IL1RAPL1: variants seen among roughly 807,000 people sequenced by gnomAD.
The protein encoded by IL1RAPL1 is interleukin 1 receptor accessory protein like 1.
Under a neutral mutation model 48.4 loss-of-function variants are expected in IL1RAPL1, and 3 were observed. The ratio of observed to expected loss-of-function variants is 0.06; its 90% CI spans 0.03 to 0.16. The LOEUF (loss-of-function observed/expected upper bound fraction) is 0.16, where lower values mean the gene tolerates loss of function less well. Ranked by LOEUF, IL1RAPL1 falls within the 10% of genes least tolerant of loss-of-function variation. IL1RAPL1 has a pLI of 1.00. For missense variants in IL1RAPL1, 349 were observed against 530.6 expected (o/e 0.66, Z 3.36); for synonymous variants, 185 against 187.7 (o/e 0.99, Z 0.12).
chrX:29,833,791 A>G (rs1400486509), intron 6 of IL1RAPL1, among the ~76,000 whole-genome samples: 4 of 111,924 alleles, frequency 3.6e-5, no homozygotes, highest in Non-Finnish European at 5.6e-5. Context: ...TCCATTAGTG[A>G]TGCCTGCTAT....
At chrX:29,402,785 A>T (rs865896263) in intron 5 of IL1RAPL1, among the ~76,000 whole-genome samples, 1 of 106,542 alleles carries the variant, frequency 9.4e-6, no homozygotes, top group Admixed American at 1.0e-4. Context: ...ACTGTTTTAC[A>T]TTTTTTTTTA....
intron 5 of IL1RAPL1, among the ~76,000 whole-genome samples, chrX:29,650,023 ATGTAAAATACC>A (rs1925465136): frequency 8.9e-6 from 1 of 112,025 alleles, no homozygotes; most frequent in Non-Finnish European, 1.9e-5. Context: ...AGCTACAAAA[ATGTAAAATACC>A]TATGAATACA....
intron 5 of IL1RAPL1, among the ~76,000 whole-genome samples, chrX:29,536,301 G>A (rs377336173): frequency 3.6e-5 from 4 of 111,866 alleles, no homozygotes; most frequent in Admixed American, 9.5e-5. Flanking sequence ...AATGAGATAT[G>A]TATGGACAAG....
intron 1 of IL1RAPL1, among the ~76,000 whole-genome samples, chrX:28,754,098 A>C (rs891984231): frequency 9.0e-6 from 1 of 111,091 alleles, no homozygotes; most frequent in Admixed American, 9.6e-5. Context: ...TTTCTCACAC[A>C]TTGTAACTTC....
At chrX:29,405,874 T>C (rs896364428) in intron 5 of IL1RAPL1, among the ~76,000 whole-genome samples, 3 of 110,752 alleles carry the variant, frequency 2.7e-5, no homozygotes, top group Non-Finnish European at 5.7e-5. Context: ...CTACTTTTGA[T>C]ATTCCGATTA....
intron 5 of IL1RAPL1, among the ~76,000 whole-genome samples, chrX:29,639,480 A>T (rs1312870950): frequency 9.0e-6 from 1 of 110,607 alleles, no homozygotes; most frequent in Non-Finnish European, 1.9e-5. Context: ...TTCCACACAT[A>T]CATACAAAAG....
chrX:28,736,431 C>CAA (rs34112747), intron 1 of IL1RAPL1, among the ~76,000 whole-genome samples: 217 of 89,594 alleles, frequency 2.4e-3, no homozygotes, highest in African/African-American at 8.6e-3. Flanking sequence ...GAGACTGTCT[C>CAA]AAAAAAAAAA....
chrX:29,406,325 C>G (rs1934068902), intron 5 of IL1RAPL1, among the ~76,000 whole-genome samples: 1 of 109,588 alleles, frequency 9.1e-6, no homozygotes, highest in African/African-American at 3.3e-5. Context: ...GGAGGCAGAG[C>G]TTGTAGTGAG....
intron 2 of IL1RAPL1, among the ~76,000 whole-genome samples, chrX:28,799,093 A>G (rs1936645560): frequency 1.8e-5 from 2 of 111,829 alleles, no homozygotes; most frequent in African/African-American, 6.5e-5. Context: ...GAGCAATTTT[A>G]AAGTTAGACT....
intron 6 of IL1RAPL1, among the ~76,000 whole-genome samples, chrX:29,711,069 TACAC>T (rs745317897): frequency 9.3e-5 from 8 of 86,437 alleles, no homozygotes; most frequent in African/African-American, 2.9e-4. Flanking sequence ...TGTGTGTGTA[TACAC>T]ACACACACAC....
At chrX:29,166,461 G>A (rs1482902985) in intron 2 of IL1RAPL1, among the ~76,000 whole-genome samples, 1 of 111,534 alleles carries the variant, frequency 9.0e-6, no homozygotes, top group Non-Finnish European at 1.9e-5. Context: ...TTGAATCTCT[G>A]CATCTCTCCA....
chrX:29,359,932 C>T (rs963699668), intron 3 of IL1RAPL1, among the ~76,000 whole-genome samples: 3 of 110,895 alleles, frequency 2.7e-5, no homozygotes, highest in Non-Finnish European at 3.8e-5. Context: ...ATTACCATTC[C>T]ATTTCCACAA....
intron 3 of IL1RAPL1, among the ~76,000 whole-genome samples, chrX:29,334,301 A>G (rs1932941482): frequency 1.3e-5 from 1 of 78,228 alleles, no homozygotes; most frequent in African/African-American, 5.3e-5. Context: ...CACCTCCCGG[A>G]CTGGGTGGCT....
chrX:28,747,504 G>A (rs937345421), intron 1 of IL1RAPL1, among the ~76,000 whole-genome samples: 2 of 110,562 alleles, frequency 1.8e-5, no homozygotes, highest in African/African-American at 6.6e-5. Context: ...AGCCGTGGGT[G>A]GTGGCGCACA....
intron 2 of IL1RAPL1, among the ~76,000 whole-genome samples, chrX:29,240,195 C>CACATATATATATATATATATATATAT (rs1555979978): frequency 3.7e-5 from 1 of 27,228 alleles, no homozygotes; most frequent in African/African-American, 2.1e-4. Flanking sequence ...CACACACACA[C>CACATATATATATATATATATATATAT]ATATATATAT....
chrX:28,999,145 A>G (rs1229378547), intron 2 of IL1RAPL1, among the ~76,000 whole-genome samples: 1 of 111,006 alleles, frequency 9.0e-6, no homozygotes, highest in Non-Finnish European at 1.9e-5. Context: ...AAGAAAAGAG[A>G]ATAATCTTCT....
chrX:28,620,328 A>G (rs1326939084), intron 1 of IL1RAPL1, among the ~76,000 whole-genome samples: 2 of 111,950 alleles, frequency 1.8e-5, no homozygotes, highest in Non-Finnish European at 3.8e-5. Flanking sequence ...TTGCATGTCA[A>G]TATCTCACAT....
intron 2 of IL1RAPL1, among the ~76,000 whole-genome samples, chrX:29,203,389 C>CT (rs1175984544): frequency 5.7e-4 from 63 of 110,976 alleles, no homozygotes; most frequent in South Asian, 1.1e-3. Context: ...AAATGTTTAT[C>CT]TTTTTTTTGT....
intron 1 of IL1RAPL1, among the ~76,000 whole-genome samples, chrX:28,619,168 T>C (rs897662583): frequency 5.3e-5 from 6 of 112,280 alleles, no homozygotes; most frequent in African/African-American, 1.9e-4. Context: ...CCTCTTATCC[T>C]TTACATTATT....
Sources: allele counts gnomAD v4.1 joint callset (sites outside exome capture counted in the v4.1 genomes callset), GRCh38; gene constraint gnomAD v4.1.1; transcripts MANE v1.5; gene names NCBI Gene and HGNC (gene_info 2026-07-23, HGNC 2026-07-21).